The following GLB1 variants were observed in gnomAD, a reference collection of about 807,000 sequenced individuals.
GLB1 encodes beta-galactosidase.
GLB1 carries 56 observed loss-of-function variants against 74.0 expected under a neutral mutation model. That is an observed-to-expected ratio of 0.76 (90% CI 0.61 to 0.94). The LOEUF (loss-of-function observed/expected upper bound fraction) is 0.94. Ranked by LOEUF, GLB1 falls within the 40% of genes least tolerant of loss-of-function variation. The probability of loss-of-function intolerance (pLI) is 0.00; values close to 1 mark genes in which losing one functional copy is unlikely to be tolerated. For synonymous variants in GLB1, 323 were observed against 323.6 expected (o/e 1.00, Z 0.02); for missense variants, 787 against 845.5 (o/e 0.93, Z 0.86).
chr3:33,015,442 G>A (rs571380580), intron 14 of GLB1, among the ~76,000 whole-genome samples: 5 of 152,322 alleles, frequency 3.3e-5, no homozygotes, highest in Admixed American at 2.0e-4. Flanking sequence ...GTTCCACACA[G>A]GCCAGGGCTG....
chr3:33,067,634 T>A lies in GLB1; in HGVS notation c.457+596A>T, dbSNP rs369508456. Among the ~76,000 whole-genome samples the A allele has an allele frequency of 1.2e-4, 19 of 152,182 alleles. No homozygotes were observed. The South Asian group carries it at 3.3e-3, about 27-fold the overall frequency. Reference sequence around the variant, plus strand: ...TTGGCTGTGGAATATGCTAAGTAAATAGGAAGAGAAAGCACTGAAGTCAGT... The same window carrying A: ...TTGGCTGTGGAATATGCTAAGTAAAAAGGAAGAGAAAGCACTGAAGTCAGT... On this transcript the variant is annotated intron_variant, in intron 4 of 15. Transcript: ENST00000307363.
Position 33,018,477 on chromosome 3 carries a change from G to T in GLB1, c.1318C>A (p.His440Asn). The T allele has an allele frequency of 6.2e-7, 1 of 1,614,052 alleles. No homozygotes were observed. ...APLSSPLNGV[H>N]DRAYVAVDGI... is the part of the protein sequence containing the mutation. ...TCCACAGCAACATATGCTCGATCGT[G>T]GACTCCATTGAGGGGTGAAGAGAGA... is the stretch of plus-strand genomic sequence containing the variant. The change falls in exon 13 of 16, where the codon CAC becomes AAC. Residue 440 changes from histidine to asparagine, a missense_variant. Physicochemically the swap from His to Asn is moderately conservative, Grantham distance 68. Coordinates refer to ENST00000307363, the MANE Select transcript of GLB1 (RefSeq NM_000404.4).
chr3:33,048,835 A>T (rs1008051626), intron 9 of GLB1, among the ~76,000 whole-genome samples: 2 of 152,184 alleles, frequency 1.3e-5, no homozygotes, highest in Non-Finnish European at 2.9e-5. Flanking sequence ...CCAGCTGAAC[A>T]GAAAACGTGT....
rs769972414 is a variant in GLB1, at chr3:33,068,850, G to C, written c.366C>G (p.Pro122=). 2 of 1,614,060 alleles carry C rather than the reference G, an allele frequency of 1.2e-6. No individual in the cohort carries two copies. Among genetic ancestry groups the C allele is most frequent in the South Asian group, 1.1e-5 (1 of 91,080 alleles). ...CCCACTCTGCACAGATGTAGGGCCC[G>C]GGCCTCAGGATAACCAGCAGTCCCA... The part of the protein sequence containing the change: ...HELGLLVILR[P]GPYICAEWEM... Residue 122 remains proline, a synonymous_variant, in exon 3 of 16, where the codon CCC becomes CCG. Transcript: ENST00000307363.
At chr3:33,051,232 T>TAA (rs1698964189) in intron 9 of GLB1, among the ~76,000 whole-genome samples, 1 of 51,492 alleles carries the variant, frequency 1.9e-5, no homozygotes, top group African/African-American at 1.1e-4. Flanking sequence ...AGACTGCGTC[T>TAA]CAAAAAAAAA....
At position 33,093,750 on chromosome 3, in the gene GLB1, C is replaced by T; in HGVS notation, c.75+3261G>A. On this transcript the variant is annotated intron_variant, in intron 1 of 15. Coordinates refer to ENST00000307363, the MANE Select transcript of GLB1 (RefSeq NM_000404.4). The surrounding 1 kb of genome is among the most constrained non-coding windows in gnomAD (Gnocchi z 6.0). ...CTCAAGGCTGCCCACGACCCTACCA[C>T]TGCGCCAGGCCAAGAGCTGGTAGGC... 6.2e-7 allele frequency: 1 copy of T among 1,613,790 alleles called. No individual in the cohort carries two copies. The highest frequency in any genetic ancestry group is 8.5e-7 in the Non-Finnish European group (1 of 1,179,840).
At position 33,043,392 on chromosome 3, in the gene GLB1, G is replaced by A. The variant is rs76257456; in HGVS notation, c.1068+2728C>T. Among the ~76,000 whole-genome samples the A allele has an allele frequency of 0.023, 3,494 of 152,176 alleles. 555 individuals are homozygous for A. The East Asian group carries it at 0.42, about 19-fold the overall frequency. ...TTCACTGAGCTGTGTACTACGAGTTGTTCTTTTCTGGGGGTATAGATGTCA... is the reference window on the plus strand; with the variant it reads ...TTCACTGAGCTGTGTACTACGAGTTATTCTTTTCTGGGGGTATAGATGTCA... On this transcript the variant is annotated intron_variant, in intron 10 of 15. Transcript: ENST00000307363.
Position 33,082,856 on chromosome 3 carries a change from C to G in GLB1, c.76-10143G>C, listed in dbSNP as rs922218678. ...CACCATGTTATTTGAACCAGGAGAG[C>G]AGGGGACATGTCTCTGAAACAAAAA... On this transcript the variant is annotated intron_variant, in intron 1 of 15. Coordinates refer to ENST00000307363, the MANE Select transcript of GLB1 (RefSeq NM_000404.4). Among the ~76,000 whole-genome samples, 4 of 152,058 alleles carry G rather than the reference C, an allele frequency of 2.6e-5. No homozygotes were observed. In the South Asian group the frequency reaches 8.3e-4, roughly 32 times the overall value.
the GLB1 span, among the ~76,000 whole-genome samples, chr3:32,964,511 A>C: frequency 6.6e-6 from 1 of 152,346 alleles, no homozygotes; most frequent in South Asian, 2.1e-4. Flanking sequence ...ATTAAGGTGC[A>C]GTAAAAAGTT....
At chr3:33,042,442 A>G (rs1575440975) in intron 10 of GLB1, among the ~76,000 whole-genome samples, 1 of 127,164 alleles carries the variant, frequency 7.9e-6, no homozygotes, top group Non-Finnish European at 1.6e-5. Flanking sequence ...ATCTCGGCTC[A>G]CTGCAAGCTC....
chr3:32,978,854 G>T, the GLB1 span, among the ~76,000 whole-genome samples: 1 of 146,510 alleles, frequency 6.8e-6, no homozygotes, highest in Non-Finnish European at 1.5e-5. Context: ...CCCACGTCTC[G>T]GTTCAGGTGA....
chr3:32,968,729 AG>A, the GLB1 span, among the ~76,000 whole-genome samples: 4 of 152,212 alleles, frequency 2.6e-5, no homozygotes, highest in Non-Finnish European at 5.9e-5. Context: ...AAGAAATCAA[AG>A]AAGCCTTGAC....
intron 1 of GLB1, among the ~76,000 whole-genome samples, chr3:33,079,602 T>A (rs1024219264): frequency 6.6e-6 from 1 of 152,200 alleles, no homozygotes; most frequent in Non-Finnish European, 1.5e-5. Flanking sequence ...ATAAAATGAA[T>A]TATGGTTTAT....
the GLB1 span, among the ~76,000 whole-genome samples, chr3:32,975,579 A>C: frequency 6.6e-6 from 1 of 152,214 alleles, no homozygotes; most frequent in Non-Finnish European, 1.5e-5. Context: ...AAGATGGATT[A>C]GTAGAAAAGG....
the GLB1 span, among the ~76,000 whole-genome samples, chr3:32,977,053 T>C: frequency 6.6e-6 from 1 of 152,162 alleles, no homozygotes; most frequent in Non-Finnish European, 1.5e-5. Context: ...GTCAAGATAC[T>C]GCTAAAGAAT....
rs1410055534 is a variant in GLB1 at position 33,051,962 on chromosome 3, G to T, written c.835C>A (p.Gln279Lys). 1.2e-6 allele frequency: 2 copies of T among 1,614,094 alleles called. No individual in the cohort carries two copies. The highest frequency in any genetic ancestry group is 1.1e-5 in the South Asian group (1 of 91,090). Residue 279 changes from glutamine (Q) to lysine (K), a missense_variant, in exon 8 of 16, where the codon CAA becomes AAA. Physicochemically the swap from Gln to Lys is moderately conservative, Grantham distance 53. Transcript: ENST00000307363. ...FYTGWLDHWGQPHSTIKTEAV... is the reference protein window; with the variant it reads ...FYTGWLDHWGKPHSTIKTEAV... ...TCGGTCTTGATTGTGGAGTGAGGTT[G>T]GCCCCAGTGATCTAGCCAGCCAGTA...
At chr3:32,979,868 A>T in the GLB1 span, among the ~76,000 whole-genome samples, 12 of 128,240 alleles carry the variant, frequency 9.4e-5, no homozygotes, top group African/African-American at 2.7e-4. Context: ...AAAAAAAAAA[A>T]AAAAAAAAAA....
chr3:33,087,560 A>G (rs1384070699), intron 1 of GLB1, among the ~76,000 whole-genome samples: 1 of 149,966 alleles, frequency 6.7e-6, no homozygotes, highest in African/African-American at 2.5e-5. Flanking sequence ...ACAGAGCAAG[A>G]CCATGTCTCA....
Position 33,093,978 on chromosome 3 carries a change from TG to T in GLB1, c.75+3032del. ...ACAGGTTGACTCTGCAGCTGGGGAG[TG>T]GCAGAGGTTGCTCACTGTGCTGCGC... On this transcript the variant is annotated intron_variant, in intron 1 of 15. Transcript: ENST00000307363. This position sits in a 1 kb window ranked among gnomAD's most constrained non-coding sequence, Gnocchi z 6.0. 2 of 1,613,850 alleles carry T rather than the reference TG, an allele frequency of 1.2e-6. No homozygotes were observed. Among genetic ancestry groups the T allele is most frequent in the South Asian group, 1.1e-5 (1 of 91,058 alleles).
Sources: gnomAD v4.1 joint callset for allele counts (sites outside exome capture counted in the v4.1 genomes callset) on GRCh38, gnomAD v4.1.1 for gene constraint, Gnocchi (gnomAD v3.1) non-coding constraint, MANE v1.5 for transcripts, NCBI Gene and HGNC (gene_info 2026-07-23, HGNC 2026-07-21) for gene names.